The following TRPM3 variants were observed in gnomAD, a reference collection of about 807,000 sequenced individuals.
TRPM3 encodes the protein transient receptor potential cation channel subfamily M member 3, also known as long transient receptor potential channel 3.
Under a neutral mutation model 181.2 loss-of-function variants are expected in TRPM3, and 77 were observed. The observed-to-expected ratio is 0.42, with a 90% CI of 0.35 to 0.51. The LOEUF is 0.51. Among genes scored for constraint, TRPM3 ranks in the 20% least tolerant of loss-of-function variants. TRPM3 has a pLI of 0.01. For synonymous variants in TRPM3, 745 were observed against 796.4 expected (o/e 0.94, Z 1.09); for missense variants, 1,759 against 2,196.7 (o/e 0.80, Z 3.98).
At chr9:70,976,631 G>C (rs1211038226) in intron 1 of TRPM3, among the ~76,000 whole-genome samples, 1 of 152,182 alleles carries the variant, frequency 6.6e-6, no homozygotes, top group South Asian at 2.1e-4. Context: ...GTGGTTAAAG[G>C]CCTGGAATCT....
intron 9 of TRPM3, among the ~76,000 whole-genome samples, chr9:70,651,309 C>G (rs1314289872): frequency 4.6e-5 from 7 of 152,154 alleles, no homozygotes; most frequent in Admixed American, 3.9e-4. Flanking sequence ...TAGAATATCT[C>G]TGTATGCAGT....
At chr9:70,743,495 C>T (rs1173863870) in intron 8 of TRPM3, among the ~76,000 whole-genome samples, 1 of 152,128 alleles carries the variant, frequency 6.6e-6, no homozygotes, top group African/African-American at 2.4e-5. Context: ...ATCTCCTATG[C>T]AATCAGTGAT....
rs778575663 is a variant in TRPM3 at position 70,831,983 on chromosome 9, A to ATATATATATTTATATATATATATATT, written c.802-3966_802-3965insAATATATATATATATAAATATATATA. On this transcript the variant is annotated intron_variant, in intron 5 of 25. Coordinates refer to ENST00000677713, the MANE Select transcript of TRPM3 (RefSeq NM_001366145.2). ...CATAAATATATATATATATATATATATATATATATATATACCTACTATGTA... is the reference window on the plus strand; with the variant it reads ...CATAAATATATATATATATATATATATATATATATTTATATATATATATATTTATATATATATATACCTACTATGTA... 2.5e-3 allele frequency among the ~76,000 whole-genome samples: 259 copies of ATATATATATTTATATATATATATATT among 103,358 alleles called. 17 individuals are homozygous for ATATATATATTTATATATATATATATT. The highest frequency in any genetic ancestry group is 9.6e-3 in the African/African-American group (226 of 23,572). 67.8% of individuals were successfully genotyped at this position (103,358 alleles called of 152,430 possible). A position where few individuals can be genotyped will look rare whatever the true frequency, so the allele number is the denominator to read the frequency against.
intron 6 of TRPM3, among the ~76,000 whole-genome samples, chr9:70,799,753 A>G (rs994418832): frequency 6.6e-6 from 1 of 152,232 alleles, no homozygotes; most frequent in African/African-American, 2.4e-5. Flanking sequence ...TCTTGGTAAA[A>G]AATGTCTGCT....
chr9:71,035,733 A>T (rs968194214), intron 1 of TRPM3, among the ~76,000 whole-genome samples: 1 of 152,164 alleles, frequency 6.6e-6, no homozygotes, highest in South Asian at 2.1e-4. Flanking sequence ...AAATAAATAA[A>T]TAAAATAAAA....
At chr9:71,332,372 G>A (rs11795230) in intron 1 of TRPM3, among the ~76,000 whole-genome samples, 1 of 127,690 alleles carries the variant, frequency 7.8e-6, no homozygotes, top group African/African-American at 3.3e-5. Context: ...GGTTTTCAAT[G>A]TTGGGTGTGT....
intron 1 of TRPM3, among the ~76,000 whole-genome samples, chr9:71,331,842 A>G (rs2090179100): frequency 3.4e-4 from 3 of 8,936 alleles, no homozygotes; most frequent in Non-Finnish European, 8.8e-4. Flanking sequence ...GAGAGGGAGG[A>G]GGAGGAAGAA....
At chr9:71,389,219 C>G (rs535121469) in intron 1 of TRPM3, among the ~76,000 whole-genome samples, 53 of 151,484 alleles carry the variant, frequency 3.5e-4, no homozygotes, top group Non-Finnish European at 6.9e-4. Flanking sequence ...GGCAAACAAA[C>G]ATGAAAAAAT....
intron 1 of TRPM3, among the ~76,000 whole-genome samples, chr9:71,057,841 T>C (rs908169446): frequency 1.3e-5 from 2 of 152,104 alleles, no homozygotes; most frequent in African/African-American, 4.8e-5. Flanking sequence ...TAAAATAGAC[T>C]CAAATTTTTA....
chr9:70,808,805 C>T (rs2091257174), intron 6 of TRPM3, among the ~76,000 whole-genome samples: 1 of 152,170 alleles, frequency 6.6e-6, no homozygotes, highest in Admixed American at 6.5e-5. Flanking sequence ...TTTTGGAAGG[C>T]CTTTCCCTTG....
At chr9:71,402,305 A>G (rs1284906859) in intron 1 of TRPM3, among the ~76,000 whole-genome samples, 1 of 152,232 alleles carries the variant, frequency 6.6e-6, no homozygotes, top group African/African-American at 2.4e-5. Flanking sequence ...ATAGTACACA[A>G]GATAATCAGA....
rs78870440 is a variant in TRPM3 at position 71,162,444 on chromosome 9, C to G, written c.183+284209G>C. Reference sequence around the variant, plus strand: ...TCAATCATTTAGATCACTAGTTTTTCTGTATCATGCATTTTATTGTACTCT... The same window carrying G: ...TCAATCATTTAGATCACTAGTTTTTGTGTATCATGCATTTTATTGTACTCT... On this transcript the variant is annotated intron_variant, in intron 1 of 24. Transcript: ENST00000357533. Among the ~76,000 whole-genome samples, 1,289 of 152,026 alleles carry G rather than the reference C, an allele frequency of 8.5e-3. 14 individuals carry two copies. Among genetic ancestry groups the G allele is most frequent in the African/African-American group, 0.029 (1,210 of 41,496 alleles).
intron 9 of TRPM3, among the ~76,000 whole-genome samples, chr9:70,647,605 G>A (rs1197809088): frequency 6.6e-6 from 1 of 152,116 alleles, no homozygotes; most frequent in African/African-American, 2.4e-5. Flanking sequence ...GGCGAAAGCT[G>A]GAAGCATTCC....
intron 1 of TRPM3, among the ~76,000 whole-genome samples, chr9:71,246,261 A>T (rs1213259588): frequency 3.9e-5 from 6 of 152,172 alleles, no homozygotes; most frequent in Admixed American, 6.6e-5. Context: ...GATTTTAAAA[A>T]TTTTTTTCAA....
intron 11 of TRPM3, 55 bp downstream of exon 11, chr9:70,639,005 A>C: frequency 6.3e-7 from 1 of 1,585,130 alleles, no homozygotes. Context: ...GGGGCAGGAG[A>C]AGGTAAAACA....
At chr9:70,811,795 GTTTCT>G (rs774622742) in intron 6 of TRPM3, among the ~76,000 whole-genome samples, 1 of 152,104 alleles carries the variant, frequency 6.6e-6, no homozygotes, top group Non-Finnish European at 1.5e-5. Flanking sequence ...AATCTACCCA[GTTTCT>G]TTTCTTTTCT....
Position 71,293,728 on chromosome 9 carries a change from A to T in TRPM3, c.183+152925T>A, listed in dbSNP as rs867290929. On this transcript the variant is annotated intron_variant, in intron 1 of 24. Coordinates refer to the TRPM3 transcript ENST00000357533. ...AAATAACTTGACAGAATAATTCCAA[A>T]TATTTTCATGTAGGAGTAAAGGACT... Among the ~76,000 whole-genome samples the T allele has an allele frequency of 1.3e-4, 20 of 152,098 alleles. No homozygotes were observed. The Middle Eastern group carries it at 0.014, about 104-fold the overall frequency.
chr9:71,045,345 T>A (rs1206307481), intron 1 of TRPM3, among the ~76,000 whole-genome samples: 4 of 152,140 alleles, frequency 2.6e-5, no homozygotes, highest in Middle Eastern at 3.4e-3. Context: ...TTTCCCTTAT[T>A]TTCACCTCCT....
chr9:70,949,349 G>A (rs2096970967), intron 1 of TRPM3, among the ~76,000 whole-genome samples: 1 of 151,900 alleles, frequency 6.6e-6, no homozygotes, highest in African/African-American at 2.4e-5. Flanking sequence ...GAGCCACCAT[G>A]CCTGGTCAGT....
Sources: allele counts gnomAD v4.1 joint callset (sites outside exome capture counted in the v4.1 genomes callset), GRCh38; gene constraint gnomAD v4.1.1; transcripts MANE v1.5; gene names NCBI Gene and HGNC (gene_info 2026-07-23, HGNC 2026-07-21).